The following SYPL1 variants were observed in gnomAD, a reference collection of about 807,000 sequenced individuals.
SYPL1 encodes the protein synaptophysin like 1.
In SYPL1, 6 loss-of-function variants were observed where a neutral mutation model predicts 23.7. The ratio of observed to expected loss-of-function variants is 0.25; its 90% CI spans 0.14 to 0.50. The LOEUF is 0.50. Ranked by LOEUF, SYPL1 falls within the 20% of genes least tolerant of loss-of-function variation. SYPL1 has a pLI of 0.98. For synonymous variants in SYPL1, 102 were observed against 104.5 expected, an observed-to-expected ratio of 0.98 and a Z score of 0.15; for missense variants, 253 against 288.9, an observed-to-expected ratio of 0.88 and a Z score of 0.90.
At chr7:106,092,651 C>T (rs541519104) in intron 4 of SYPL1, 45 of 371,914 alleles carry the variant, frequency 1.2e-4, no homozygotes, top group Non-Finnish European at 9.9e-5. Flanking sequence ...CCAGTCTGAG[C>T]GACATAGCGA....
chr7:106,108,902 C>T (rs1292744662), intron 1 of SYPL1, among the ~76,000 whole-genome samples: 1 of 152,176 alleles, frequency 6.6e-6, no homozygotes, highest in African/African-American at 2.4e-5. Context: ...ACATTATTTG[C>T]CTTTTACACT....
chr7:106,100,331 C>T lies in SYPL1; in HGVS notation c.70-1049G>A, dbSNP rs1356457306. ...TCAAACTATAATTCATCCATTCATTCATTCATGCAATGAAACATTATATAG... is the reference window on the plus strand; with the variant it reads ...TCAAACTATAATTCATCCATTCATTTATTCATGCAATGAAACATTATATAG... On this transcript the variant is annotated intron_variant, in intron 1 of 4. Coordinates refer to ENST00000455385, the MANE Select transcript of SYPL1 (RefSeq NM_182715.4). This position sits in a 1 kb window ranked among gnomAD's most constrained non-coding sequence, Gnocchi z 5.1. Among the ~76,000 whole-genome samples the T allele has an allele frequency of 6.6e-6, 1 of 152,198 alleles. No homozygotes were observed. The highest frequency in any genetic ancestry group is 1.9e-4 in the East Asian group (1 of 5,198).
chr7:106,093,936 T>C (rs1360706109), intron 3 of SYPL1, among the ~76,000 whole-genome samples: 1 of 152,234 alleles, frequency 6.6e-6, no homozygotes, highest in Non-Finnish European at 1.5e-5. Context: ...AATGGGATGG[T>C]TTTAATATTT....
At position 106,096,195 on chromosome 7, in the gene SYPL1, C is replaced by T. The variant is rs752475385; in HGVS notation, c.402+1495G>A. On this transcript the variant is annotated intron_variant, in intron 3 of 4. Transcript: ENST00000455385. This position sits in a 1 kb window ranked among gnomAD's most constrained non-coding sequence, Gnocchi z 4.4. The stretch of plus-strand genomic sequence containing the variant: ...GTTGACGTCTTATCTTTTTAACAAC[C>T]GAGAAGTATTTTATGAAAACCTCTA... 6.6e-6 allele frequency: 1 copy of T among 151,908 alleles called. No homozygotes were observed. The highest frequency in any genetic ancestry group is 1.5e-5 in the Non-Finnish European group (1 of 67,970). The allele number at this position is 151,908 out of a possible 1,614,324, so 9.4% of individuals were successfully genotyped here. A position where few individuals can be genotyped will look rare whatever the true frequency, so the allele number is the denominator to read the frequency against.
rs1840116483 is a variant in SYPL1, at chr7:106,097,995, A to G, written c.195-98T>C. 2.1e-6 allele frequency: 2 copies of G among 973,362 alleles called. No homozygotes were observed. The highest frequency in any genetic ancestry group is 2.8e-5 in the Admixed American group (1 of 36,224). 60.3% of individuals were successfully genotyped at this position (973,362 alleles called of 1,614,324 possible). A position where few individuals can be genotyped will look rare whatever the true frequency, so the allele number is the denominator to read the frequency against. On this transcript the variant is annotated intron_variant, in intron 2 of 4. Transcript: ENST00000455385. This position sits in a 1 kb window ranked among gnomAD's most constrained non-coding sequence, Gnocchi z 4.6. ...ACACTTCAAAAAATACTCCCCAAAT[A>G]TATTAAAAACATTCCTTTGGGGAAA... is the stretch of plus-strand genomic sequence containing the variant.
chr7:106,101,805 G>C (rs1250561697), intron 1 of SYPL1, among the ~76,000 whole-genome samples: 1 of 149,542 alleles, frequency 6.7e-6, no homozygotes, highest in Non-Finnish European at 1.5e-5. Context: ...AAAGAAATGA[G>C]ATACACAAAT....
chr7:106,092,145 C>G (rs964219087), intron 4 of SYPL1, among the ~76,000 whole-genome samples: 1 of 152,114 alleles, frequency 6.6e-6, no homozygotes, highest in Non-Finnish European at 1.5e-5. Flanking sequence ...GACTTATTCC[C>G]AATGAAATAA....
Position 106,091,599 on chromosome 7 carries a change from A to G in SYPL1, c.*206T>C. On this transcript the variant is annotated 3_prime_UTR_variant, in exon 5 of 5. Transcript: ENST00000455385. The surrounding 1 kb of genome is among the most constrained non-coding windows in gnomAD (Gnocchi z 5.0). ...GTATCATTTCATAATAGACCCCTGA[A>G]CTTTCAAATTTACATGTGAGAATAC... 2.1e-6 allele frequency: 1 copy of G among 485,622 alleles called. No individual in the cohort carries two copies. Among genetic ancestry groups the G allele is most frequent in the South Asian group, 4.7e-5 (1 of 21,174 alleles). 30.1% of individuals were successfully genotyped at this position (485,622 alleles called of 1,614,324 possible).
Position 106,094,708 on chromosome 7 carries a change from C to T in SYPL1, c.403-1571G>A, listed in dbSNP as rs116357869. ...TCGCATGTTAAATAATTTCTCTTTA[C>T]GGAAAAGTTCACAACTTTGATCAAT... On this transcript the variant is annotated intron_variant, in intron 3 of 4. Coordinates refer to ENST00000455385, the MANE Select transcript of SYPL1 (RefSeq NM_182715.4). 7.8e-3 allele frequency among the ~76,000 whole-genome samples: 1,185 copies of T among 152,214 alleles called. 15 individuals carry two copies. The highest frequency in any genetic ancestry group is 0.027 in the African/African-American group (1,127 of 41,524).
chr7:106,105,275 A>G (rs950158052), intron 1 of SYPL1, among the ~76,000 whole-genome samples: 8 of 151,948 alleles, frequency 5.3e-5, no homozygotes, highest in African/African-American at 1.7e-4. Context: ...AAAATGAAGG[A>G]GTACTGGTGT....
chr7:106,093,711 C>T (rs1315930534), intron 3 of SYPL1, among the ~76,000 whole-genome samples: 1 of 127,064 alleles, frequency 7.9e-6, no homozygotes, highest in Admixed American at 8.9e-5. Flanking sequence ...ACTTATCCTT[C>T]TTCTGCAAAA....
At chr7:106,101,061 T>C (rs187440114) in intron 1 of SYPL1, among the ~76,000 whole-genome samples, 26 of 152,314 alleles carry the variant, frequency 1.7e-4, no homozygotes, top group Admixed American at 1.4e-3. Flanking sequence ...CTCACTTCCA[T>C]AGCTTCCTGT....
upstream of SYPL1, chr7:106,112,511 A>C (rs972088072): frequency 6.6e-7 from 1 of 1,523,874 alleles, no homozygotes; most frequent in African/African-American, 1.4e-5. Flanking sequence ...TGGCGAACCA[A>C]GTAGATGTTG....
At position 106,100,753 on chromosome 7, in the gene SYPL1, G is replaced by C. The variant is rs1410140672; in HGVS notation, c.70-1471C>G. Among the ~76,000 whole-genome samples, 2 of 152,094 alleles carry C rather than the reference G, an allele frequency of 1.3e-5. No individual in the cohort carries two copies. The highest frequency in any genetic ancestry group is 6.6e-5 in the Admixed American group (1 of 15,252). Reference sequence around the variant, plus strand: ...TCTGCCCTTGCCCCAGCTTCAGTCTGTTATCAACACAACAGCCAAGACAAT... The same window carrying C: ...TCTGCCCTTGCCCCAGCTTCAGTCTCTTATCAACACAACAGCCAAGACAAT... On this transcript the variant is annotated intron_variant, in intron 1 of 4. Coordinates refer to ENST00000455385, the MANE Select transcript of SYPL1 (RefSeq NM_182715.4). The surrounding 1 kb of genome is among the most constrained non-coding windows in gnomAD (Gnocchi z 5.1).
At chr7:106,112,101 G>A (rs754930367) in intron 1 of SYPL1, 39 bp downstream of exon 1, 66 of 1,398,532 alleles carry the variant, frequency 4.7e-5, no homozygotes, top group Non-Finnish European at 6.0e-5. Context: ...GCGCCGCGCC[G>A]AGCGGCAGGC....
rs767957862 is a variant in SYPL1 at position 106,097,919 on chromosome 7, T to C, written c.195-22A>G. 6.9e-6 allele frequency: 11 copies of C among 1,587,988 alleles called. No homozygotes were observed. Among genetic ancestry groups the C allele is most frequent in the Non-Finnish European group, 9.5e-6 (11 of 1,161,584 alleles). On this transcript the variant is annotated intron_variant, in intron 2 of 4. Transcript: ENST00000455385. The surrounding 1 kb of genome is among the most constrained non-coding windows in gnomAD (Gnocchi z 4.6). ...CAACCTATTAAAATAAATGTATGAA[T>C]TATTGGACTTTCCCAACAGAGACAG...
chr7:106,091,846 G>T lies in SYPL1; in HGVS notation c.685C>A (p.Pro229Thr). The T allele has an allele frequency of 6.2e-7, 1 of 1,613,536 alleles. No homozygotes were observed. The highest frequency in any genetic ancestry group is 8.5e-7 in the Non-Finnish European group (1 of 1,179,742). Residue 229 changes from proline to threonine, a missense_variant, in exon 5 of 5, where the codon CCT becomes ACT. By Grantham distance (38) the Pro-to-Thr change is conservative. Coordinates refer to ENST00000455385, the MANE Select transcript of SYPL1 (RefSeq NM_182715.4). This position sits in a 1 kb window ranked among gnomAD's most constrained non-coding sequence, Gnocchi z 5.0. ...SLHSPSNTSA[P>T]HSQGGIPPPT... ...GGTGGAATACCTCCTTGGCTATGAG[G>T]GGCAGATGTATTTGATGGACTGTGT... is the stretch of plus-strand genomic sequence containing the variant.
Position 106,107,812 on chromosome 7 carries a change from G to T in SYPL1, c.69+4328C>A, listed in dbSNP as rs979841894. On this transcript the variant is annotated intron_variant, in intron 1 of 4. Transcript: ENST00000455385. ...GAGTTCCTACTGAAATAAACAGCTAGAAGTTTTTTGCTAACTCCTAATCAT... is the reference window on the plus strand; with the variant it reads ...GAGTTCCTACTGAAATAAACAGCTATAAGTTTTTTGCTAACTCCTAATCAT... Among the ~76,000 whole-genome samples, 256 of 151,376 alleles carry T rather than the reference G, an allele frequency of 1.7e-3. 5 individuals are homozygous for T. The highest frequency in any genetic ancestry group is 0.016 in the Admixed American group (251 of 15,218).
At chr7:106,094,610 A>G (rs764435685) in intron 3 of SYPL1, among the ~76,000 whole-genome samples, 5 of 152,206 alleles carry the variant, frequency 3.3e-5, no homozygotes, top group African/African-American at 1.2e-4. Context: ...ATTCTGCTGC[A>G]GGTAGACATT....
Sources: allele counts gnomAD v4.1 joint callset (sites outside exome capture counted in the v4.1 genomes callset), GRCh38; gene constraint gnomAD v4.1.1; non-coding constraint Gnocchi (gnomAD v3.1); transcripts MANE v1.5; gene names NCBI Gene and HGNC (gene_info 2026-07-23, HGNC 2026-07-21).